Variants in TENM1 observed in about 807,000 individuals in gnomAD.
TENM1 encodes the protein teneurin-1.
Under a neutral mutation model 174.8 loss-of-function variants are expected in TENM1, and 35 were observed. The ratio of observed to expected loss-of-function variants is 0.20; its 90% CI spans 0.15 to 0.27. The LOEUF (loss-of-function observed/expected upper bound fraction) is 0.27. Ranked by LOEUF, TENM1 falls within the 10% of genes least tolerant of loss-of-function variation. The pLI is 1.00. For synonymous variants in TENM1, 781 were observed against 798.7 expected, an observed-to-expected ratio of 0.98 and a Z score of 0.37; for missense variants, 1,633 against 2,130.1, an observed-to-expected ratio of 0.77 and a Z score of 4.59.
At chrX:124,843,229 T>C (rs2056539134) in intron 3 of TENM1, among the ~76,000 whole-genome samples, 1 of 111,862 alleles carries the variant, frequency 8.9e-6, no homozygotes, top group Non-Finnish European at 1.9e-5. Context: ...ATTAAACTTG[T>C]TCTCTTTAAG....
intron 3 of TENM1, among the ~76,000 whole-genome samples, chrX:124,862,157 C>T (rs1272987160): frequency 4.5e-5 from 5 of 111,997 alleles, no homozygotes; most frequent in Non-Finnish European, 7.5e-5. Flanking sequence ...CTGGCTTACA[C>T]ATATAAACAA....
At chrX:125,035,763 A>T in the TENM1 span, among the ~76,000 whole-genome samples, 1 of 111,451 alleles carries the variant, frequency 9.0e-6, no homozygotes, top group Non-Finnish European at 1.9e-5. Context: ...TAAATTTTTC[A>T]GTTATACTTT....
intron 23 of TENM1, among the ~76,000 whole-genome samples, chrX:124,439,811 A>C (rs1379059068): frequency 1.8e-5 from 2 of 111,434 alleles, no homozygotes; most frequent in Non-Finnish European, 3.8e-5. Flanking sequence ...TGATAAAATA[A>C]TAATCTATTG....
intron 21 of TENM1, among the ~76,000 whole-genome samples, chrX:124,486,314 T>C (rs934190568): frequency 2.7e-5 from 3 of 112,597 alleles, no homozygotes; most frequent in African/African-American, 9.7e-5. Context: ...ACTTCATTCA[T>C]ACTAGTTAAA....
chrX:125,167,076 A>G, the TENM1 span, among the ~76,000 whole-genome samples: 3 of 111,841 alleles, frequency 2.7e-5, no homozygotes, highest in Admixed American at 2.9e-4. Flanking sequence ...TAAAATCTGG[A>G]GGAAAACTGG....
the TENM1 span, among the ~76,000 whole-genome samples, chrX:125,081,630 T>A: frequency 9.0e-6 from 1 of 111,312 alleles, no homozygotes; most frequent in African/African-American, 3.3e-5. Context: ...AGAACTACCA[T>A]TGGAGCCAGC....
At chrX:124,871,900 T>A (rs1391610287) in intron 3 of TENM1, among the ~76,000 whole-genome samples, 3 of 108,799 alleles carry the variant, frequency 2.8e-5, no homozygotes, top group Non-Finnish European at 5.7e-5. Context: ...GGTGTGGTAG[T>A]GTGTGCCTGT....
exon 32 of TENM1, chrX:124,380,671 C>G: frequency 2.5e-6 from 3 of 1,211,960 alleles, no homozygotes; most frequent in Non-Finnish European, 3.3e-6. Context: ...AAAGCTGCTG[C>G]TTTTCCCCTT....
intron 21 of TENM1, 110 bp downstream of exon 24, chrX:124,487,099 C>G: frequency 1.3e-6 from 1 of 767,486 alleles, no homozygotes; most frequent in Non-Finnish European, 1.9e-6. Flanking sequence ...TATGTTCACA[C>G]TATTCTTTAA....
intron 3 of TENM1, among the ~76,000 whole-genome samples, chrX:124,795,709 CT>C (rs375107115): frequency 1.4e-3 from 141 of 102,446 alleles, no homozygotes; most frequent in African/African-American, 2.0e-3. Flanking sequence ...GTGGCAGTTT[CT>C]TTTTTTTTTT....
intron 1 of TENM1, among the ~76,000 whole-genome samples, chrX:124,957,255 C>T (rs2058588421): frequency 9.2e-6 from 1 of 108,726 alleles, no homozygotes; most frequent in Non-Finnish European, 1.9e-5. Context: ...GACAGATAAA[C>T]TTTGCTTCCA....
chrX:124,858,022 A>C, intron 3 of TENM1, among the ~76,000 whole-genome samples: 1 of 111,796 alleles, frequency 8.9e-6, no homozygotes, highest in Non-Finnish European at 1.9e-5. Flanking sequence ...TGCATTTTAC[A>C]TACACCTATT....
intron 11 of TENM1, among the ~76,000 whole-genome samples, chrX:124,607,933 T>A (rs915575254): frequency 1.7e-4 from 19 of 111,127 alleles, no homozygotes; most frequent in Non-Finnish European, 5.7e-5. Context: ...ATGGACTAGA[T>A]GTAGATATGC....
intron 3 of TENM1, among the ~76,000 whole-genome samples, chrX:124,771,089 G>A (rs2054643866): frequency 8.9e-6 from 1 of 112,069 alleles, no homozygotes; most frequent in African/African-American, 3.2e-5. Context: ...TAATTTAAAA[G>A]ATCATAAAAA....
At chrX:124,936,446 C>T (rs2058245687) in intron 1 of TENM1, among the ~76,000 whole-genome samples, 1 of 111,676 alleles carries the variant, frequency 9.0e-6, no homozygotes, top group Non-Finnish European at 1.9e-5. Flanking sequence ...CTGTTATCTT[C>T]TAAGAATACA....
At chrX:124,416,241 C>A (rs76576562) in intron 25 of TENM1, among the ~76,000 whole-genome samples, 1,247 of 111,526 alleles carry the variant, frequency 0.011, 25 homozygotes, top group African/African-American at 0.038. Context: ...ATGAATTAAC[C>A]GTCACTCCCC....
chrX:125,183,573 G>T, the TENM1 span, among the ~76,000 whole-genome samples: 1 of 111,656 alleles, frequency 9.0e-6, no homozygotes, highest in Non-Finnish European at 1.9e-5. Flanking sequence ...CATGCAAGAA[G>T]GTGAAAACAT....
chrX:125,140,476 T>A, the TENM1 span, among the ~76,000 whole-genome samples: 3 of 111,733 alleles, frequency 2.7e-5, no homozygotes, highest in Non-Finnish European at 5.7e-5. Context: ...AAGAGGTTGC[T>A]TAATAGGTAC....
intron 23 of TENM1, among the ~76,000 whole-genome samples, chrX:124,434,094 G>C (rs1256923216): frequency 9.0e-6 from 1 of 111,314 alleles, no homozygotes; most frequent in Non-Finnish European, 1.9e-5. Flanking sequence ...TGTACAGTGG[G>C]GCTTTCCAGA....
Sources: allele counts gnomAD v4.1 joint callset (sites outside exome capture counted in the v4.1 genomes callset), GRCh38; gene constraint gnomAD v4.1.1; transcripts MANE v1.5; gene names NCBI Gene and HGNC (gene_info 2026-07-23, HGNC 2026-07-21).